The following DTNA variants were observed in gnomAD, a reference collection of about 807,000 sequenced individuals.
The protein encoded by DTNA is dystrobrevin alpha.
DTNA carries 43 observed loss-of-function variants against 100.7 expected under a neutral mutation model. The observed-to-expected ratio is 0.43, with a 90% CI of 0.33 to 0.55. The LOEUF is 0.55. Ranked by LOEUF, DTNA falls within the 20% of genes least tolerant of loss-of-function variation. DTNA has a pLI of 0.04. For missense variants in DTNA, 798 were observed against 953.9 expected (o/e 0.84, Z 2.15); for synonymous variants, 349 against 347.9 (o/e 1.00, Z -0.04).
chr18:34,866,954 A>T, intron 17 of DTNA: 4 of 1,171,322 alleles, frequency 3.4e-6, no homozygotes, highest in Non-Finnish European at 4.2e-6. Context: ...GTCAGGCTCA[A>T]GAGCCAGCAG....
intron 17 of DTNA, among the ~76,000 whole-genome samples, chr18:34,874,811 G>A (rs1206432909): frequency 6.6e-6 from 1 of 152,198 alleles, no homozygotes; most frequent in Non-Finnish European, 1.5e-5. Flanking sequence ...GATAATGCTA[G>A]TACAGTCAGG....
At chr18:34,719,624 A>C (rs1263326445) in intron 1 of DTNA, among the ~76,000 whole-genome samples, 1 of 152,166 alleles carries the variant, frequency 6.6e-6, no homozygotes, top group African/African-American at 2.4e-5. Context: ...ACATATAGTA[A>C]ACCTGCAAAA....
chr18:34,660,280 G>A (rs1018434744), intron 1 of DTNA, among the ~76,000 whole-genome samples: 8 of 151,936 alleles, frequency 5.3e-5, no homozygotes, highest in African/African-American at 9.7e-5. Context: ...AGTTCAGGCC[G>A]TGAGAGGAAG....
chr18:34,855,731 C>T lies in DTNA; in HGVS notation c.1533-2554C>T, dbSNP rs879427943. 2.6e-5 allele frequency among the ~76,000 whole-genome samples: 4 copies of T among 152,336 alleles called. No individual in the cohort carries two copies. In the East Asian group the frequency reaches 7.7e-4, roughly 29 times the overall value. On this transcript the variant is annotated intron_variant, in intron 15 of 22. Coordinates refer to ENST00000444659, the MANE Select transcript of DTNA (RefSeq NM_001386795.1). ...ACAAGCTGCAGCATCACGCCTCCAT[C>T]CCTTCTTAGAAAGAAAAGACTAACA...
intron 1 of DTNA, among the ~76,000 whole-genome samples, chr18:34,537,655 G>A (rs2043847901): frequency 6.6e-6 from 1 of 151,902 alleles, no homozygotes; most frequent in East Asian, 1.9e-4. Flanking sequence ...ATGAAGGAAT[G>A]GCAATAGTAC....
At chr18:34,621,409 C>A (rs936994874) in intron 1 of DTNA, among the ~76,000 whole-genome samples, 16 of 151,944 alleles carry the variant, frequency 1.1e-4, no homozygotes, top group African/African-American at 3.9e-4. Context: ...TCACAAAAGT[C>A]AAGATATGGA....
At chr18:34,866,289 T>C (rs755609348) in intron 17 of DTNA, 7 of 1,523,386 alleles carry the variant, frequency 4.6e-6, no homozygotes, top group Non-Finnish European at 6.2e-6. Context: ...AGTGCTTGAA[T>C]TGAGATATAT....
chr18:34,824,887 T>C (rs968118671), intron 9 of DTNA, among the ~76,000 whole-genome samples: 1 of 148,004 alleles, frequency 6.8e-6, no homozygotes, highest in Admixed American at 6.8e-5. Context: ...TGGCACAGTC[T>C]GACTATGTAA....
intron 1 of DTNA, among the ~76,000 whole-genome samples, chr18:34,711,571 C>A (rs1480183939): frequency 6.6e-6 from 1 of 152,146 alleles, no homozygotes; most frequent in African/African-American, 2.4e-5. Flanking sequence ...AAAATACTTT[C>A]TTAGTGAACT....
At chr18:34,726,135 A>T (rs186816381) in intron 1 of DTNA, among the ~76,000 whole-genome samples, 146 of 152,220 alleles carry the variant, frequency 9.6e-4, no homozygotes, top group African/African-American at 3.3e-3. Context: ...ATTAGGAGAA[A>T]TACCTAATGT....
At chr18:34,807,769 T>C (rs1282192175) in intron 5 of DTNA, among the ~76,000 whole-genome samples, 2 of 150,102 alleles carry the variant, frequency 1.3e-5, no homozygotes, top group African/African-American at 4.9e-5. Context: ...CTGAAAGATA[T>C]AGAAAATTAA....
intron 1 of DTNA, among the ~76,000 whole-genome samples, chr18:34,611,682 T>C (rs1326979678): frequency 6.6e-6 from 1 of 152,152 alleles, no homozygotes; most frequent in African/African-American, 2.4e-5. Flanking sequence ...CCATGTGGGC[T>C]CAGGAGTCAG....
At chr18:34,729,452 C>A (rs1427247442) in intron 1 of DTNA, among the ~76,000 whole-genome samples, 2 of 152,208 alleles carry the variant, frequency 1.3e-5, no homozygotes, top group Admixed American at 6.5e-5. Context: ...AGTTTTAATA[C>A]CTTCCTGTAG....
chr18:34,756,923 T>C (rs949999964), intron 2 of DTNA, among the ~76,000 whole-genome samples: 1 of 152,202 alleles, frequency 6.6e-6, no homozygotes, highest in African/African-American at 2.4e-5. Flanking sequence ...GGTAAGCCTT[T>C]TTCCCTAAGA....
rs1440058873 is a variant in DTNA, at chr18:34,669,535, A to C, written c.-1-86441A>C. 2.0e-5 allele frequency among the ~76,000 whole-genome samples: 3 copies of C among 152,258 alleles called. No individual in the cohort carries two copies. In the East Asian group the frequency reaches 5.8e-4, roughly 29 times the overall value. ...TCTTCCTAGCATCAATGGTCTTTAC[A>C]ATTTGTCATGTTTTTGCAATGGCTG... On this transcript the variant is annotated intron_variant, in intron 1 of 19. Transcript: ENST00000283365.
chr18:34,679,270 C>T (rs1019865060), intron 1 of DTNA, among the ~76,000 whole-genome samples: 4 of 152,072 alleles, frequency 2.6e-5, no homozygotes, highest in Non-Finnish European at 5.9e-5. Context: ...TGACTTCTAC[C>T]ATAAATGTCT....
chr18:34,666,449 G>T lies in DTNA; in HGVS notation c.-1-89527G>T, dbSNP rs529436715. Among the ~76,000 whole-genome samples the T allele has an allele frequency of 3.7e-3, 563 of 151,774 alleles. 2 individuals carry two copies. Among genetic ancestry groups the T allele is most frequent in the Non-Finnish European group, 5.3e-3 (361 of 67,822 alleles). ...AATTAGATCCCATTTGTCAATTTTG[G>T]CTTTTGTTGCCATTGCTTTTGGTGT... On this transcript the variant is annotated intron_variant, in intron 1 of 19. Transcript: ENST00000283365.
chr18:34,660,073 T>A (rs1052921450), intron 1 of DTNA, among the ~76,000 whole-genome samples: 17 of 152,142 alleles, frequency 1.1e-4, no homozygotes, highest in Non-Finnish European at 1.8e-4. Context: ...AAGAAATGAG[T>A]ATACAAGAGA....
chr18:34,505,848 G>A (rs763013179), intron 1 of DTNA, among the ~76,000 whole-genome samples: 11 of 152,060 alleles, frequency 7.2e-5, no homozygotes, highest in East Asian at 1.9e-4. Context: ...GTTGATTGTC[G>A]TCTTTCATTC....
Sources: allele counts gnomAD v4.1 joint callset (sites outside exome capture counted in the v4.1 genomes callset), GRCh38; gene constraint gnomAD v4.1.1; transcripts MANE v1.5; gene names NCBI Gene and HGNC (gene_info 2026-07-23, HGNC 2026-07-21).